The following FRMD5 variants were observed in gnomAD, a reference collection of about 807,000 sequenced individuals.
The protein encoded by FRMD5 is FERM domain containing 5, also known as FERM domain-containing protein 5.
In FRMD5, 20 loss-of-function variants were observed where a neutral mutation model predicts 69.0. The observed-to-expected ratio is 0.29, with a 90% confidence interval of 0.20 to 0.42. The LOEUF (loss-of-function observed/expected upper bound fraction) is 0.42. Among genes scored for constraint, FRMD5 ranks in the 10% least tolerant of loss-of-function variants. FRMD5 has a pLI of 1.00. For missense variants in FRMD5, 595 were observed against 708.6 expected (o/e 0.84, Z 1.82); for synonymous variants, 271 against 260.1 (o/e 1.04, Z -0.40).
intron 1 of FRMD5, among the ~76,000 whole-genome samples, chr15:44,163,082 C>G (rs964561898): frequency 3.3e-5 from 5 of 151,868 alleles, no homozygotes; most frequent in Non-Finnish European, 4.4e-5. Flanking sequence ...GCTGAGGCAG[C>G]AGAACAGCGT....
chr15:44,051,302 T>A (rs1194630685), intron 1 of FRMD5, among the ~76,000 whole-genome samples: 1 of 149,138 alleles, frequency 6.7e-6, no homozygotes, highest in African/African-American at 2.4e-5. Flanking sequence ...TAGGCACCCA[T>A]GACCACACTG....
intron 8 of FRMD5, among the ~76,000 whole-genome samples, chr15:43,889,171 T>C (rs975441105): frequency 3.9e-5 from 6 of 151,992 alleles, no homozygotes; most frequent in African/African-American, 1.4e-4. Context: ...CTAGGTAGAG[T>C]ATCTGGGGTC....
chr15:43,885,458 G>C (rs2088639903), intron 11 of FRMD5, among the ~76,000 whole-genome samples: 1 of 152,194 alleles, frequency 6.6e-6, no homozygotes, highest in Non-Finnish European at 1.5e-5. Context: ...TTATAGGCAT[G>C]AGCCACTATG....
chr15:44,133,477 G>C (rs2077134308), intron 1 of FRMD5, among the ~76,000 whole-genome samples: 1 of 147,712 alleles, frequency 6.8e-6, no homozygotes, highest in Non-Finnish European at 1.5e-5. Context: ...TTGGGAGGCT[G>C]AGGCAGGAGA....
chr15:44,171,393 C>T (rs1018400199), intron 1 of FRMD5, among the ~76,000 whole-genome samples: 6 of 152,150 alleles, frequency 3.9e-5, no homozygotes, highest in East Asian at 1.9e-4. Context: ...GAATCTTTCT[C>T]GTCTACTGAG....
intron 1 of FRMD5, among the ~76,000 whole-genome samples, chr15:44,153,093 C>T (rs1376699286): frequency 6.6e-6 from 1 of 152,148 alleles, no homozygotes; most frequent in Non-Finnish European, 1.5e-5. Context: ...GAAACTGGAA[C>T]TCTTATGCAC....
intron 1 of FRMD5, among the ~76,000 whole-genome samples, chr15:43,993,890 AG>A (rs1428894691): frequency 6.6e-6 from 1 of 152,186 alleles, no homozygotes; most frequent in Admixed American, 6.5e-5. Flanking sequence ...ACATAAGAAT[AG>A]TTACCCCTGC....
intron 1 of FRMD5, among the ~76,000 whole-genome samples, chr15:44,190,108 A>T (rs1284657172): frequency 2.0e-5 from 3 of 152,208 alleles, no homozygotes; most frequent in Non-Finnish European, 2.9e-5. Flanking sequence ...AGAAGCTATA[A>T]GGTTGCTGCC....
At chr15:44,100,248 G>A (rs1255954688) in intron 1 of FRMD5, among the ~76,000 whole-genome samples, 1 of 150,924 alleles carries the variant, frequency 6.6e-6, no homozygotes, top group East Asian at 1.9e-4. Context: ...GTAGAGAGGG[G>A]GTTTCACCAT....
At chr15:44,122,305 TGTAATCCA>T (rs2076964151) in intron 1 of FRMD5, among the ~76,000 whole-genome samples, 1 of 150,210 alleles carries the variant, frequency 6.7e-6, no homozygotes, top group Admixed American at 6.6e-5. Context: ...GGCTCACATC[TGTAATCCA>T]GCACTTTGGG....
chr15:43,904,103 C>T (rs565482750), intron 6 of FRMD5, among the ~76,000 whole-genome samples: 2 of 152,270 alleles, frequency 1.3e-5, no homozygotes, highest in African/African-American at 4.8e-5. Flanking sequence ...TCAGGAACCC[C>T]TCCTGCCACA....
chr15:43,998,117 G>A (rs924837871), intron 1 of FRMD5, among the ~76,000 whole-genome samples: 3 of 152,032 alleles, frequency 2.0e-5, no homozygotes, highest in Non-Finnish European at 4.4e-5. Flanking sequence ...TTGTCATCAG[G>A]GATATAACGA....
chr15:44,167,519 A>C (rs1010156886), intron 1 of FRMD5, among the ~76,000 whole-genome samples: 2 of 152,154 alleles, frequency 1.3e-5, no homozygotes, highest in African/African-American at 2.4e-5. Context: ...CTTTTGAGTG[A>C]CCAAATGATG....
At chr15:43,878,950 T>G (rs1485960370) in intron 13 of FRMD5, among the ~76,000 whole-genome samples, 6 of 138,760 alleles carry the variant, frequency 4.3e-5, no homozygotes, top group African/African-American at 1.7e-4. Flanking sequence ...TTTTTTTTTT[T>G]GAGATGGAAT....
intron 1 of FRMD5, among the ~76,000 whole-genome samples, chr15:44,135,781 C>T (rs2077173944): frequency 7.0e-6 from 1 of 143,142 alleles, no homozygotes; most frequent in Non-Finnish European, 1.5e-5. Context: ...GCCGAGATCG[C>T]ACTACTGACT....
chr15:44,168,952 T>C (rs575981404), intron 1 of FRMD5, among the ~76,000 whole-genome samples: 1 of 152,332 alleles, frequency 6.6e-6, no homozygotes, highest in South Asian at 2.1e-4. Flanking sequence ...ATCAATATCA[T>C]TTCAAGATCG....
intron 1 of FRMD5, among the ~76,000 whole-genome samples, chr15:43,934,840 G>A (rs551945775): frequency 1.3e-5 from 2 of 152,354 alleles, no homozygotes; most frequent in African/African-American, 2.4e-5. Context: ...CAGCGGGACT[G>A]CTGGATTTCT....
chr15:43,943,411 T>G (rs1013808730), intron 1 of FRMD5, among the ~76,000 whole-genome samples: 1 of 152,214 alleles, frequency 6.6e-6, no homozygotes, highest in Non-Finnish European at 1.5e-5. Flanking sequence ...AAGGATTAAG[T>G]AGGCCCAGAA....
intron 1 of FRMD5, among the ~76,000 whole-genome samples, chr15:43,952,000 CTGTGTGTGTGTGTGTGTGTGTGTGTGTG>C (rs367759637): frequency 8.1e-6 from 1 of 123,692 alleles, no homozygotes; most frequent in Non-Finnish European, 1.7e-5. Context: ...GTGTGTGTGT[CTGTGTGTGTGTGTGTGTGTGTGTGTGTG>C]TGTGTGTGTG....
Sources: allele counts gnomAD v4.1 joint callset (sites outside exome capture counted in the v4.1 genomes callset), GRCh38; gene constraint gnomAD v4.1.1; transcripts MANE v1.5; gene names NCBI Gene and HGNC (gene_info 2026-07-23, HGNC 2026-07-21).